Variants in GLS observed in about 807,000 individuals in gnomAD.
The protein encoded by GLS is glutaminase kidney isoform, mitochondrial.
A neutral mutation model predicts 86.7 loss-of-function variants in GLS; 36 were observed. The ratio of observed to expected loss-of-function variants is 0.42; its 90% CI spans 0.32 to 0.55. The LOEUF is 0.55. Among genes scored for constraint, GLS ranks in the 20% least tolerant of loss-of-function variants. GLS has a pLI of 0.17. For missense variants in GLS, 528 were observed against 833.4 expected (o/e 0.63, Z 4.51); for synonymous variants, 317 against 305.9 (o/e 1.04, Z -0.38).
rs1267711639 is a variant in GLS, at chr2:190,893,144, GT to G, written c.387-2002del. Among the ~76,000 whole-genome samples, 3 of 152,276 alleles carry G rather than the reference GT, an allele frequency of 2.0e-5. No homozygotes were observed. The East Asian group carries it at 5.8e-4, about 29-fold the overall frequency. ...CACTGATTTTTTGACAGCTGGTTCA[GT>G]TTTTTCTTTGAATATTAGGTGGTGA... is the stretch of plus-strand genomic sequence containing the variant. On this transcript the variant is annotated intron_variant, in intron 1 of 17. Transcript: ENST00000320717.
rs74694171 is a variant in GLS at position 190,956,449 on chromosome 2, C to T, written c.1853+1631C>T. 5.8e-3 allele frequency among the ~76,000 whole-genome samples: 876 copies of T among 152,232 alleles called. 22 individuals carry two copies. The highest frequency in any genetic ancestry group is 0.053 in the East Asian group (275 of 5,176). On this transcript the variant is annotated intron_variant, in intron 17 of 17. Transcript: ENST00000320717. This position sits in a 1 kb window ranked among gnomAD's most constrained non-coding sequence, Gnocchi z 4.2. ...TTATTTCTGAGGCCTCAGTTCTTTTCCATTGCTCTGTGTATCTATTTTGGT... is the reference window on the plus strand; with the variant it reads ...TTATTTCTGAGGCCTCAGTTCTTTTTCATTGCTCTGTGTATCTATTTTGGT...
In GLS at chr2:190,913,330, C is replaced by T. The variant is rs1260317959; in HGVS notation, c.1038+3009C>T. ...CTTAACTACTAAGCTTATAGGAAAACTCCAATATTTAAAATTTTAAACAAA... is the reference window on the plus strand; with the variant it reads ...CTTAACTACTAAGCTTATAGGAAAATTCCAATATTTAAAATTTTAAACAAA... On this transcript the variant is annotated intron_variant, in intron 7 of 17. Coordinates refer to ENST00000320717, the MANE Select transcript of GLS (RefSeq NM_014905.5). This position sits in a 1 kb window ranked among gnomAD's most constrained non-coding sequence, Gnocchi z 6.1. The T allele has an allele frequency of 8.3e-7, 1 of 1,201,518 alleles. No individual in the cohort carries two copies. Among genetic ancestry groups the T allele is most frequent in the Non-Finnish European group, 1.1e-6 (1 of 935,656 alleles). The allele number at this position is 1,201,518 out of a possible 1,614,324, so 74.4% of individuals were successfully genotyped here. A position where few individuals can be genotyped will look rare whatever the true frequency, so the allele number is the denominator to read the frequency against.
intron 6 of GLS, among the ~76,000 whole-genome samples, chr2:190,907,560 C>A (rs917306039): frequency 2.0e-5 from 3 of 152,278 alleles, no homozygotes; most frequent in Non-Finnish European, 4.4e-5. Flanking sequence ...CTGGCAATAA[C>A]AGTAGTTTTA....
At chr2:190,902,932 A>G (rs1445628761) in intron 5 of GLS, among the ~76,000 whole-genome samples, 4 of 152,200 alleles carry the variant, frequency 2.6e-5, no homozygotes, top group African/African-American at 9.6e-5. Flanking sequence ...TGAAAAGTTT[A>G]TATCAGAGTT....
At position 190,924,833 on chromosome 2, in the gene GLS, T is replaced by A; in HGVS notation, c.1248+240T>A. ...GTGAGGCTGAGGCAGGAGAATCCCTTGAACCTGGAAGGCCGAGGTTGCAGT... is the reference window on the plus strand; with the variant it reads ...GTGAGGCTGAGGCAGGAGAATCCCTAGAACCTGGAAGGCCGAGGTTGCAGT... On this transcript the variant is annotated intron_variant, in intron 11 of 17. Transcript: ENST00000320717. This position sits in a 1 kb window ranked among gnomAD's most constrained non-coding sequence, Gnocchi z 5.2. 2.6e-6 allele frequency: 1 copy of A among 379,142 alleles called. No homozygotes were observed. Among genetic ancestry groups the A allele is most frequent in the South Asian group, 3.1e-5 (1 of 32,248 alleles). The allele number at this position is 379,142 out of a possible 1,614,324, so 23.5% of individuals were successfully genotyped here. A position where few individuals can be genotyped will look rare whatever the true frequency, so the allele number is the denominator to read the frequency against.
chr2:190,881,630 C>A, intron 1 of GLS, 160 bp downstream of exon 1: 2 of 628,778 alleles, frequency 3.2e-6, no homozygotes, highest in Non-Finnish European at 5.0e-6. Context: ...GTGATTAGGC[C>A]CGGCCCCGCC....
chr2:190,903,035 C>G (rs1314357320), intron 5 of GLS, among the ~76,000 whole-genome samples: 1 of 152,102 alleles, frequency 6.6e-6, no homozygotes, highest in Non-Finnish European at 1.5e-5. Flanking sequence ...CAATTAAAAA[C>G]CTTTTTTCCT....
chr2:190,927,345 A>T lies in GLS; in HGVS notation c.1288A>T (p.Met430Leu), dbSNP rs1689932498. Residue 430 changes from methionine (M) to leucine (L), a missense_variant, in exon 12 of 18, where the codon ATG becomes TTG. Coordinates refer to ENST00000320717, the MANE Select transcript of GLS (RefSeq NM_014905.5). ...IEVTCESASVMAATLANGGFC... is the reference protein window; with the variant it reads ...IEVTCESASVLAATLANGGFC... ...AGTGACTTGTGAATCAGCCAGTGTG[A>T]TGGCTGCGACACTGGCTAATGGTGG... 1.2e-6 allele frequency: 2 copies of T among 1,613,014 alleles called. No homozygotes were observed. Among genetic ancestry groups the T allele is most frequent in the Middle Eastern group, 1.6e-4 (1 of 6,082 alleles).
chr2:190,891,089 C>G (rs2125979265), intron 1 of GLS, among the ~76,000 whole-genome samples: 1 of 151,618 alleles, frequency 6.6e-6, no homozygotes, highest in Non-Finnish European at 1.5e-5. Flanking sequence ...GATTTTTGAA[C>G]TGATGAAGAT....
At chr2:190,934,063 C>G in intron 14 of GLS, 1 of 972,816 alleles carries the variant, frequency 1.0e-6, no homozygotes, top group Non-Finnish European at 1.2e-6. Flanking sequence ...CCTATTCACA[C>G]TTCTTCCTTC....
Position 190,912,910 on chromosome 2 carries a change from G to T in GLS, c.1038+2589G>T, listed in dbSNP as rs540887228. 2.0e-5 allele frequency among the ~76,000 whole-genome samples: 3 copies of T among 152,238 alleles called. No homozygotes were observed. In the South Asian group the frequency reaches 6.2e-4, roughly 32 times the overall value. ...TTACGTAGTCATTCTTCGGACATTA[G>T]TCAGTAAAGAAACAGGCCCTTTTCC... is the stretch of plus-strand genomic sequence containing the variant. On this transcript the variant is annotated intron_variant, in intron 7 of 17. Transcript: ENST00000320717.
At chr2:190,918,656 A>G (rs189143665) in intron 7 of GLS, among the ~76,000 whole-genome samples, 111 of 152,288 alleles carry the variant, frequency 7.3e-4, no homozygotes, top group African/African-American at 2.3e-3. Context: ...CAACTTGGCT[A>G]ACTTTGGTGC....
In GLS at chr2:190,935,159, A is replaced by ATTTTATCT; in HGVS notation, c.1650+3524_1650+3531dup. ...TTTGTTTTTAGCATAAATGTTGTGCATTTTATCTTAGTGTTTGGATGAAAA... is the reference window on the plus strand; with the variant it reads ...TTTGTTTTTAGCATAAATGTTGTGCATTTTATCTTTTTATCTTAGTGTTTGGATGAAAA... On this transcript the variant is annotated intron_variant, in intron 14 of 17. Transcript: ENST00000320717. The surrounding 1 kb of genome is among the most constrained non-coding windows in gnomAD (Gnocchi z 4.2). The ATTTTATCT allele has an allele frequency of 1.1e-6, 1 of 912,106 alleles. No homozygotes were observed. The highest frequency in any genetic ancestry group is 5.1e-5 in the South Asian group (1 of 19,762). 56.5% of individuals were successfully genotyped at this position (912,106 alleles called of 1,614,324 possible). A position where few individuals can be genotyped will look rare whatever the true frequency, so the allele number is the denominator to read the frequency against.
chr2:190,962,929 T>A lies in GLS; in HGVS notation c.1953T>A (p.Asp651Glu). ...AAGTCCAGTACACACCTCAAGGAGATTCTGACAACGGGAAGGAAAATCAAA... is the reference window on the plus strand; with the variant it reads ...AAGTCCAGTACACACCTCAAGGAGAATCTGACAACGGGAAGGAAAATCAAA... ...EYQVQYTPQG[D>E]SDNGKENQTV... The change falls in exon 18 of 18, where the codon GAT becomes GAA. Residue 651 changes from aspartate to glutamate, a missense_variant. By Grantham distance (45) the Asp-to-Glu change is conservative (BLOSUM62 2). Coordinates refer to ENST00000320717, the MANE Select transcript of GLS (RefSeq NM_014905.5). This position sits in a 1 kb window ranked among gnomAD's most constrained non-coding sequence, Gnocchi z 4.2. 6.2e-7 allele frequency: 1 copy of A among 1,610,818 alleles called. No individual in the cohort carries two copies. Among genetic ancestry groups the A allele is most frequent in the Non-Finnish European group, 8.5e-7 (1 of 1,178,552 alleles).
chr2:190,892,754 ATAGG>A (rs1011033439), intron 1 of GLS, among the ~76,000 whole-genome samples: 50 of 152,282 alleles, frequency 3.3e-4, no homozygotes, highest in African/African-American at 1.2e-3. Flanking sequence ...AAATGCTGAA[ATAGG>A]TAGTAATTTC....
Position 190,880,910 on chromosome 2 carries a change from CA to C in GLS, c.-174del. The C allele has an allele frequency of 1.1e-6, 1 of 949,186 alleles. No individual in the cohort carries two copies. The highest frequency in any genetic ancestry group is 1.4e-5 in the South Asian group (1 of 71,566). 58.8% of individuals were successfully genotyped at this position (949,186 alleles called of 1,614,324 possible). On this transcript the variant is annotated 5_prime_UTR_variant, in exon 1 of 18. Transcript: ENST00000320717. ...GCAGCAGCAGCAGCAGCAGCAGCAGCAGCAGCAGCACCCGCATCCGCTGCGG... is the reference window on the plus strand; with the variant it reads ...GCAGCAGCAGCAGCAGCAGCAGCAGCGCAGCAGCACCCGCATCCGCTGCGG...
intron 14 of GLS, among the ~76,000 whole-genome samples, chr2:190,941,404 T>C (rs3087950): frequency 6.6e-6 from 1 of 152,160 alleles, no homozygotes; most frequent in Non-Finnish European, 1.5e-5. Flanking sequence ...TATAAGAACA[T>C]GAACACCAAT....
chr2:190,916,914 C>T (rs921778570), intron 7 of GLS, among the ~76,000 whole-genome samples: 16 of 152,082 alleles, frequency 1.1e-4, no homozygotes, highest in Admixed American at 7.2e-4. Flanking sequence ...TAAGGATCAT[C>T]GGAGCCTTCA....
chr2:190,932,167 T>C (rs1690126780), intron 14 of GLS, among the ~76,000 whole-genome samples: 1 of 151,994 alleles, frequency 6.6e-6, no homozygotes, highest in Admixed American at 6.6e-5. Context: ...TTTTCCACCG[T>C]GTTTAATGCA....
Sources: allele counts gnomAD v4.1 joint callset (sites outside exome capture counted in the v4.1 genomes callset), GRCh38; gene constraint gnomAD v4.1.1; non-coding constraint Gnocchi (gnomAD v3.1); transcripts MANE v1.5; gene names NCBI Gene and HGNC (gene_info 2026-07-23, HGNC 2026-07-21).